Variants in MAML3 observed in about 807,000 individuals in gnomAD.
MAML3 encodes the protein mastermind-like protein 3.
A neutral mutation model predicts 101.9 loss-of-function variants in MAML3; 27 were observed. The observed-to-expected ratio is 0.27, with a 90% CI of 0.20 to 0.37. MAML3 has a LOEUF of 0.37. MAML3 is among the 10% of genes least tolerant of loss of function. The pLI is 1.00. For synonymous variants in MAML3, 501 were observed against 555.9 expected (o/e 0.90, Z 1.39); for missense variants, 1,316 against 1,444.9 (o/e 0.91, Z 1.45).
intron 1 of MAML3, among the ~76,000 whole-genome samples, chr4:140,090,329 G>T (rs116294383): frequency 6.6e-6 from 1 of 152,302 alleles, no homozygotes; most frequent in African/African-American, 2.4e-5. Flanking sequence ...TGGCCTTCAT[G>T]GAATGTTAGA....
At chr4:140,132,824 T>A (rs1728817867) in intron 1 of MAML3, among the ~76,000 whole-genome samples, 1 of 152,254 alleles carries the variant, frequency 6.6e-6, no homozygotes, top group Non-Finnish European at 1.5e-5. Context: ...TTAATTTTAG[T>A]TTCACAAAGA....
At chr4:140,028,072 T>C (rs1209860364) in intron 1 of MAML3, among the ~76,000 whole-genome samples, 1 of 152,250 alleles carries the variant, frequency 6.6e-6, no homozygotes, top group East Asian at 1.9e-4. Context: ...GGAATACTTA[T>C]TATGGGCAAG....
At chr4:140,111,042 C>T (rs1728431335) in intron 1 of MAML3, among the ~76,000 whole-genome samples, 1 of 152,134 alleles carries the variant, frequency 6.6e-6, no homozygotes, top group Non-Finnish European at 1.5e-5. Context: ...TGGCTAAATC[C>T]TAAAAACCAC....
At chr4:139,851,950 C>T (rs1334238165) in intron 2 of MAML3, among the ~76,000 whole-genome samples, 1 of 152,150 alleles carries the variant, frequency 6.6e-6, no homozygotes, top group Non-Finnish European at 1.5e-5. Context: ...GGTCTCTCTC[C>T]AAAACAAACC....
At chr4:139,952,941 C>T (rs957522169) in intron 1 of MAML3, among the ~76,000 whole-genome samples, 2 of 152,160 alleles carry the variant, frequency 1.3e-5, no homozygotes, top group Admixed American at 6.5e-5. Context: ...CAAAAAATGC[C>T]TGGATTTGGA....
intron 1 of MAML3, among the ~76,000 whole-genome samples, chr4:139,939,743 T>G (rs1031622483): frequency 3.3e-5 from 5 of 151,098 alleles, no homozygotes; most frequent in South Asian, 2.1e-4. Flanking sequence ...TTGTGCACAG[T>G]AGGTTCTCAA....
At chr4:140,056,691 TC>T (rs1178663273) in intron 1 of MAML3, among the ~76,000 whole-genome samples, 1 of 151,198 alleles carries the variant, frequency 6.6e-6, no homozygotes, top group Non-Finnish European at 1.5e-5. Context: ...GCGCCTGTAG[TC>T]CCAGCTACTC....
intron 1 of MAML3, among the ~76,000 whole-genome samples, chr4:140,136,202 T>C (rs1226400978): frequency 6.6e-6 from 1 of 152,210 alleles, no homozygotes; most frequent in Non-Finnish European, 1.5e-5. Flanking sequence ...GTAGAGACCC[T>C]GCTGCTGAGA....
At chr4:140,118,525 A>G (rs946016917) in intron 1 of MAML3, among the ~76,000 whole-genome samples, 7 of 152,144 alleles carry the variant, frequency 4.6e-5, no homozygotes, top group Non-Finnish European at 1.5e-5. Context: ...GGGTGAAAAT[A>G]CAGATACCAA....
chr4:139,879,962 T>C (rs1200339003), intron 2 of MAML3, among the ~76,000 whole-genome samples: 4 of 152,144 alleles, frequency 2.6e-5, no homozygotes, highest in Non-Finnish European at 4.4e-5. Flanking sequence ...TGCCTGAGCT[T>C]AGGAGTTTGT....
At chr4:139,985,732 C>T (rs913014157) in intron 1 of MAML3, among the ~76,000 whole-genome samples, 1 of 152,226 alleles carries the variant, frequency 6.6e-6, no homozygotes, top group Non-Finnish European at 1.5e-5. Flanking sequence ...CCTTCAGAGG[C>T]ACCACACACA....
chr4:139,811,565 C>A (rs1730797347), intron 2 of MAML3, among the ~76,000 whole-genome samples: 1 of 152,210 alleles, frequency 6.6e-6, no homozygotes, highest in Admixed American at 6.5e-5. Context: ...ACCCGTATTA[C>A]TATGGCAGCT....
intron 3 of MAML3, chr4:139,730,191 T>C: frequency 3.4e-6 from 2 of 585,334 alleles, no homozygotes; most frequent in South Asian, 2.1e-5. Flanking sequence ...GGCCTTCAAA[T>C]TGATGGCTGG....
chr4:140,119,052 A>G lies in MAML3; in HGVS notation c.468+33808T>C, dbSNP rs146386380. ...TCAGTCAAAGCTAGCTTCAATACAT[A>G]CATTAACAGGCAAGGGGTATGGTGG... On this transcript the variant is annotated intron_variant, in intron 1 of 4. Coordinates refer to ENST00000509479, the MANE Select transcript of MAML3 (RefSeq NM_018717.5). Among the ~76,000 whole-genome samples, 479 of 152,330 alleles carry G rather than the reference A, an allele frequency of 3.1e-3. 1 individual carries two copies. The highest frequency in any genetic ancestry group is 0.01 in the African/African-American group (431 of 41,574).
intron 1 of MAML3, among the ~76,000 whole-genome samples, chr4:140,059,846 T>A (rs772896238): frequency 1.5e-4 from 23 of 152,182 alleles, no homozygotes; most frequent in Non-Finnish European, 4.4e-5. Context: ...AAATCAAATA[T>A]GCATCTTTTT....
At chr4:139,720,958 C>CAGAT (rs933758941) in intron 4 of MAML3, among the ~76,000 whole-genome samples, 91 of 152,316 alleles carry the variant, frequency 6.0e-4, no homozygotes, top group African/African-American at 2.1e-3. Flanking sequence ...GCTATTTTGA[C>CAGAT]AGATAGGACA....
In MAML3 at chr4:139,936,329, T is replaced by C. The variant is rs112070656; in HGVS notation, c.469-45362A>G. Among the ~76,000 whole-genome samples the C allele has an allele frequency of 5.4e-3, 825 of 152,308 alleles. 7 individuals are homozygous for C. The highest frequency in any genetic ancestry group is 0.017 in the African/African-American group (718 of 41,572). ...TTAAGCTGATTTCATATCTTGGCTA[T>C]TGTGAATAATGCTGCAGTTAACACA... On this transcript the variant is annotated intron_variant, in intron 1 of 4. Coordinates refer to ENST00000509479, the MANE Select transcript of MAML3 (RefSeq NM_018717.5).
intron 2 of MAML3, among the ~76,000 whole-genome samples, chr4:139,793,759 G>T (rs917127212): frequency 6.6e-6 from 1 of 152,050 alleles, no homozygotes. Context: ...AGCTCCAGAG[G>T]GTATTAAACA....
intron 1 of MAML3, among the ~76,000 whole-genome samples, chr4:139,921,023 A>G (rs1187250629): frequency 1.3e-5 from 2 of 152,114 alleles, no homozygotes; most frequent in Non-Finnish European, 2.9e-5. Context: ...ACCAAATCCC[A>G]CTGGCTGAAT....
Sources: gnomAD v4.1 joint callset for allele counts (sites outside exome capture counted in the v4.1 genomes callset) on GRCh38, gnomAD v4.1.1 for gene constraint, MANE v1.5 for transcripts, NCBI Gene and HGNC (gene_info 2026-07-23, HGNC 2026-07-21) for gene names.